SOX6: variants seen among roughly 807,000 people sequenced by gnomAD.
SOX6 encodes transcription factor SOX-6.
A neutral mutation model predicts 97.8 loss-of-function variants in SOX6; 11 were observed. The observed-to-expected ratio is 0.11, with a 90% confidence interval of 0.07 to 0.19. The LOEUF (loss-of-function observed/expected upper bound fraction) is 0.19, where lower values mean the gene tolerates loss of function less well. Among genes scored for constraint, SOX6 ranks in the 10% least tolerant of loss-of-function variants. The pLI is 1.00. For missense variants in SOX6, 810 were observed against 1,039.5 expected, an observed-to-expected ratio of 0.78 and a Z score of 3.04; for synonymous variants, 360 against 371.4, an observed-to-expected ratio of 0.97 and a Z score of 0.35.
chr11:16,299,432 T>TA (rs1315131943), intron 3 of SOX6, among the ~76,000 whole-genome samples: 1 of 151,862 alleles, frequency 6.6e-6, no homozygotes, highest in African/African-American at 2.4e-5. Flanking sequence ...ATTTTTTTTA[T>TA]AAAAAACGGG....
chr11:15,986,117 C>T, intron 15 of SOX6, 87 bp downstream of exon 15: 7 of 1,235,818 alleles, frequency 5.7e-6, no homozygotes, highest in Non-Finnish European at 8.4e-6. Flanking sequence ...TTTCCCTAAT[C>T]TCCTTCCCAA....
At chr11:16,472,487 T>C (rs535305062) in intron 1 of SOX6, among the ~76,000 whole-genome samples, 12 of 152,302 alleles carry the variant, frequency 7.9e-5, no homozygotes, top group Non-Finnish European at 1.5e-4. Context: ...CCACAATACC[T>C]TGCATAAATT....
chr11:16,077,600 T>C (rs549526923), intron 9 of SOX6, among the ~76,000 whole-genome samples: 2 of 152,164 alleles, frequency 1.3e-5, no homozygotes, highest in African/African-American at 4.8e-5. Context: ...ATGTGGTACA[T>C]AGACACCATG....
At chr11:16,217,235 G>A (rs897768178) in intron 4 of SOX6, among the ~76,000 whole-genome samples, 8 of 152,042 alleles carry the variant, frequency 5.3e-5, no homozygotes, top group Admixed American at 1.3e-4. Flanking sequence ...ATACACTTAC[G>A]TAAAGCACTC....
rs921431893 is a variant in SOX6, at chr11:16,463,715, G to A, written c.-5+12600C>T. On this transcript the variant is annotated intron_variant, in intron 1 of 15. Coordinates refer to the SOX6 transcript ENST00000396356. ...TTGGAGCACTGTTAGGTACTATTGT[G>A]GGAGAGGTGCAGGCTGTTCCCTCTA... 7.9e-5 allele frequency among the ~76,000 whole-genome samples: 12 copies of A among 152,278 alleles called. No individual in the cohort carries two copies. The South Asian group carries it at 1.0e-3, about 13-fold the overall frequency.
At chr11:16,453,389 C>T (rs1274882162) in intron 1 of SOX6, among the ~76,000 whole-genome samples, 1 of 152,022 alleles carries the variant, frequency 6.6e-6, no homozygotes, top group African/African-American at 2.4e-5. Context: ...GTGTAGTACC[C>T]ATATCCTCAA....
intron 1 of SOX6, among the ~76,000 whole-genome samples, chr11:16,374,648 CAT>C (rs1221638654): frequency 6.6e-6 from 1 of 151,982 alleles, no homozygotes; most frequent in South Asian, 2.1e-4. Context: ...ATGTTAAAAA[CAT>C]GTGGTGAGGT....
At chr11:16,232,373 T>C (rs140521331) in intron 4 of SOX6, among the ~76,000 whole-genome samples, 1 of 152,026 alleles carries the variant, frequency 6.6e-6, no homozygotes, top group East Asian at 1.9e-4. Context: ...TAAATAAAGA[T>C]AAATTTAGTA....
chr11:16,670,714 G>T (rs1847842196), intron 3 of SOX6, among the ~76,000 whole-genome samples: 2 of 152,130 alleles, frequency 1.3e-5, no homozygotes, highest in Admixed American at 6.5e-5. Context: ...TTTCTCTGGG[G>T]TGAAGCCCTC....
At chr11:16,667,845 A>T (rs1237673525) in intron 3 of SOX6, among the ~76,000 whole-genome samples, 2 of 152,244 alleles carry the variant, frequency 1.3e-5, no homozygotes, top group Non-Finnish European at 2.9e-5. Flanking sequence ...GAAAGACTAA[A>T]AGATGAACCC....
chr11:16,453,130 A>G (rs1859751581), intron 1 of SOX6, among the ~76,000 whole-genome samples: 1 of 152,120 alleles, frequency 6.6e-6, no homozygotes, highest in Non-Finnish European at 1.5e-5. Flanking sequence ...TTCAGCTCTC[A>G]CGACTTTTTT....
At chr11:16,306,583 G>A (rs1245401531) in intron 3 of SOX6, among the ~76,000 whole-genome samples, 6 of 144,822 alleles carry the variant, frequency 4.1e-5, no homozygotes, top group African/African-American at 1.5e-4. Flanking sequence ...TAAAAATCTT[G>A]TCCTGAGATT....
intron 1 of SOX6, chr11:16,465,774 A>G (rs1422803052): frequency 6.6e-6 from 1 of 152,256 alleles, no homozygotes; most frequent in Non-Finnish European, 1.5e-5. Context: ...ATCTGCTTTT[A>G]TTAATGAATT....
At chr11:16,098,629 G>T (rs1332452418) in intron 7 of SOX6, among the ~76,000 whole-genome samples, 1 of 151,856 alleles carries the variant, frequency 6.6e-6, no homozygotes, top group Non-Finnish European at 1.5e-5. Context: ...CACAATATCA[G>T]TGATTTAATG....
At chr11:16,305,282 C>T (rs931725315) in intron 3 of SOX6, among the ~76,000 whole-genome samples, 1 of 152,170 alleles carries the variant, frequency 6.6e-6, no homozygotes, top group Non-Finnish European at 1.5e-5. Flanking sequence ...TACAAGGATA[C>T]ATATATGGCA....
upstream of SOX6, chr11:16,476,442 T>G (rs1435921167): frequency 6.6e-6 from 1 of 152,230 alleles, no homozygotes; most frequent in Non-Finnish European, 1.5e-5. Flanking sequence ...TGCATTTATA[T>G]GCTTTATTAA....
intron 4 of SOX6, among the ~76,000 whole-genome samples, chr11:16,504,945 G>A (rs1258860111): frequency 6.6e-6 from 1 of 152,154 alleles, no homozygotes; most frequent in South Asian, 2.1e-4. Flanking sequence ...ACAGAACCAT[G>A]AGCCAATTAA....
intron 3 of SOX6, among the ~76,000 whole-genome samples, chr11:16,653,727 T>C (rs187912209): frequency 6.6e-6 from 1 of 152,206 alleles, no homozygotes; most frequent in East Asian, 1.9e-4. Context: ...GTAAGTAACT[T>C]ATCCATGTAA....
At chr11:16,299,771 G>T (rs1382811636) in intron 3 of SOX6, among the ~76,000 whole-genome samples, 24 of 151,992 alleles carry the variant, frequency 1.6e-4, no homozygotes, top group Admixed American at 1.6e-3. Flanking sequence ...TACCACATGG[G>T]TCTTTTATAT....
Sources: gnomAD v4.1 joint callset for allele counts (sites outside exome capture counted in the v4.1 genomes callset) on GRCh38, gnomAD v4.1.1 for gene constraint, MANE v1.5 for transcripts, NCBI Gene and HGNC (gene_info 2026-07-23, HGNC 2026-07-21) for gene names.